The following RBM47 variants were observed in gnomAD, a reference collection of about 807,000 sequenced individuals.
RBM47 encodes RNA-binding protein 47.
Under a neutral mutation model 47.1 loss-of-function variants are expected in RBM47, and 21 were observed. That is an observed-to-expected ratio of 0.45 (90% CI 0.32 to 0.64). The LOEUF (loss-of-function observed/expected upper bound fraction) is 0.64, where lower values mean the gene tolerates loss of function less well. Among genes scored for constraint, RBM47 ranks in the 30% least tolerant of loss-of-function variants. RBM47 has a pLI of 0.05. For missense variants in RBM47, 708 were observed against 870.9 expected (o/e 0.81, Z 2.35); for synonymous variants, 375 against 361.7 (o/e 1.04, Z -0.42).
intron 1 of RBM47, among the ~76,000 whole-genome samples, chr4:40,569,624 C>G (rs11936590): frequency 2.0e-5 from 3 of 151,450 alleles, no homozygotes; most frequent in Non-Finnish European, 4.4e-5. Context: ...TTAGCCAGGA[C>G]GGTCTCTATC....
intron 1 of RBM47, among the ~76,000 whole-genome samples, chr4:40,549,917 G>T (rs369921465): frequency 3.9e-5 from 6 of 152,046 alleles, no homozygotes. Context: ...TGATCCACCC[G>T]CCTCGGCCTC....
intron 1 of RBM47, among the ~76,000 whole-genome samples, chr4:40,594,532 G>T (rs1490645101): frequency 6.6e-6 from 1 of 152,022 alleles, no homozygotes; most frequent in Admixed American, 6.6e-5. Context: ...GACATTCAAG[G>T]CCTCGCCTAA....
rs555311278 is a variant in RBM47 at position 40,606,212 on chromosome 4, A to G, written c.-240+23184T>C. Among the ~76,000 whole-genome samples the G allele has an allele frequency of 2.6e-3, 400 of 152,020 alleles. 1 individual carries two copies. The highest frequency in any genetic ancestry group is 3.2e-3 in the Non-Finnish European group (216 of 67,968). On this transcript the variant is annotated intron_variant, in intron 1 of 6. Coordinates refer to ENST00000295971, the MANE Select transcript of RBM47 (RefSeq NM_001098634.2). ...GACGTCATCTCAAAAAAAAAACAAA[A>G]AAGAAAGAAAGAAAGAAAAAGAAAA...
rs565594490 is a variant in RBM47 at position 40,485,471 on chromosome 4, C to T, written c.-154-18772G>A. ...GATTCCAATTTGAAATCTGTATGTG[C>T]CCCTTGACACCTCAATGCTTTGTCA... On this transcript the variant is annotated intron_variant, in intron 2 of 6. Transcript: ENST00000295971. Among the ~76,000 whole-genome samples the T allele has an allele frequency of 7.2e-5, 11 of 152,236 alleles. No individual in the cohort carries two copies. In the South Asian group the frequency reaches 2.3e-3, roughly 32 times the overall value.
At chr4:40,576,099 C>A (rs1021516073) in intron 1 of RBM47, among the ~76,000 whole-genome samples, 1 of 152,214 alleles carries the variant, frequency 6.6e-6, no homozygotes, top group Non-Finnish European at 1.5e-5. Context: ...TGCTAAGAGG[C>A]ATCTTTCCTC....
At chr4:40,516,801 C>G (rs1343543069) in intron 2 of RBM47, among the ~76,000 whole-genome samples, 1 of 152,190 alleles carries the variant, frequency 6.6e-6, no homozygotes, top group Non-Finnish European at 1.5e-5. Flanking sequence ...TAAGGCCCCA[C>G]CTGGTCTAAC....
At chr4:40,459,882 G>C (rs532880581) in intron 3 of RBM47, among the ~76,000 whole-genome samples, 1 of 152,222 alleles carries the variant, frequency 6.6e-6, no homozygotes, top group Non-Finnish European at 1.5e-5. Context: ...AGCCTCCCGG[G>C]TAGCTGGGAT....
intron 2 of RBM47, among the ~76,000 whole-genome samples, chr4:40,533,729 G>C (rs1488714850): frequency 6.6e-6 from 1 of 151,930 alleles, no homozygotes; most frequent in Non-Finnish European, 1.5e-5. Context: ...TCGACTTCCC[G>C]GGCTCAAATG....
intron 1 of RBM47, among the ~76,000 whole-genome samples, chr4:40,568,566 G>C (rs950201662): frequency 1.4e-5 from 2 of 148,028 alleles, no homozygotes; most frequent in Non-Finnish European, 3.0e-5. Flanking sequence ...AAAAGCAAAC[G>C]AACAAAAAAA....
intron 1 of RBM47, among the ~76,000 whole-genome samples, chr4:40,581,175 A>G (rs1169796049): frequency 2.0e-5 from 3 of 152,108 alleles, no homozygotes; most frequent in Non-Finnish European, 2.9e-5. Flanking sequence ...TAATCCCAGT[A>G]CTTTGGGAGG....
At chr4:40,444,725 T>C (rs532443536) in intron 3 of RBM47, among the ~76,000 whole-genome samples, 2 of 151,792 alleles carry the variant, frequency 1.3e-5, no homozygotes, top group South Asian at 4.2e-4. Context: ...AGTGCAGTGG[T>C]ATGATCTTGG....
intron 1 of RBM47, among the ~76,000 whole-genome samples, chr4:40,554,437 TGGGCTG>T (rs1729882031): frequency 6.8e-6 from 1 of 146,948 alleles, no homozygotes; most frequent in African/African-American, 2.5e-5. Flanking sequence ...CAAAAGCTGG[TGGGCTG>T]GCCACGGTGT....
intron 1 of RBM47, among the ~76,000 whole-genome samples, chr4:40,608,335 C>T (rs1206812005): frequency 6.6e-6 from 1 of 152,132 alleles, no homozygotes; most frequent in East Asian, 1.9e-4. Flanking sequence ...TGTTCACCTA[C>T]AACTCCCCAG....
rs1428900044 is a variant in RBM47, at chr4:40,503,400, G to C, written c.-154-36701C>G. On this transcript the variant is annotated intron_variant, in intron 2 of 6. Coordinates refer to ENST00000295971, the MANE Select transcript of RBM47 (RefSeq NM_001098634.2). Reference sequence around the variant, plus strand: ...CAGGTTTGCCTCTAAGGGAGGACAAGAGTGAAAGAGGAGGAGTGGGTACCA... The same window carrying C: ...CAGGTTTGCCTCTAAGGGAGGACAACAGTGAAAGAGGAGGAGTGGGTACCA... 9.9e-5 allele frequency among the ~76,000 whole-genome samples: 15 copies of C among 152,174 alleles called. No homozygotes were observed. In the East Asian group the frequency reaches 2.9e-3, roughly 29 times the overall value.
intron 2 of RBM47, among the ~76,000 whole-genome samples, chr4:40,509,057 G>A (rs1724512557): frequency 6.6e-6 from 1 of 152,050 alleles, no homozygotes; most frequent in South Asian, 2.1e-4. Flanking sequence ...CTACTTGGGA[G>A]GCTGAAGCAG....
chr4:40,464,816 G>A lies in RBM47; in HGVS notation c.-32+1761C>T, dbSNP rs527896801. 1.4e-4 allele frequency among the ~76,000 whole-genome samples: 20 copies of A among 146,596 alleles called. No individual in the cohort carries two copies. In the East Asian group the frequency reaches 2.7e-3, roughly 20 times the overall value. On this transcript the variant is annotated intron_variant, in intron 3 of 6. Transcript: ENST00000295971. Reference sequence around the variant, plus strand: ...TGAGGCAGGAGAATGGCGTGAACCCGGGAGGCAGAGCTTGCAGTGAGCCGA... The same window carrying A: ...TGAGGCAGGAGAATGGCGTGAACCCAGGAGGCAGAGCTTGCAGTGAGCCGA...
At chr4:40,577,566 C>T (rs1413270772) in intron 1 of RBM47, among the ~76,000 whole-genome samples, 2 of 151,590 alleles carry the variant, frequency 1.3e-5, no homozygotes, top group Non-Finnish European at 2.9e-5. Flanking sequence ...ATGTTCCTCT[C>T]TGCTATTTAT....
chr4:40,433,727 T>G (rs1560351911), intron 5 of RBM47, among the ~76,000 whole-genome samples: 1 of 152,098 alleles, frequency 6.6e-6, no homozygotes. Context: ...CACCCTGTAT[T>G]TCAGATTTCA....
intron 1 of RBM47, among the ~76,000 whole-genome samples, chr4:40,588,563 G>A (rs1252273998): frequency 6.6e-6 from 1 of 152,174 alleles, no homozygotes; most frequent in African/African-American, 2.4e-5. Flanking sequence ...GCAGGTCACT[G>A]ACAGGGATGA....
Sources: gnomAD v4.1 joint callset for allele counts (sites outside exome capture counted in the v4.1 genomes callset) on GRCh38, gnomAD v4.1.1 for gene constraint, MANE v1.5 for transcripts, NCBI Gene and HGNC (gene_info 2026-07-23, HGNC 2026-07-21) for gene names.